The following SIPA1L1 variants were observed in gnomAD, a reference collection of about 807,000 sequenced individuals.
The protein encoded by SIPA1L1 is signal induced proliferation associated 1 like 1, also known as signal-induced proliferation-associated 1-like protein 1.
Under a neutral mutation model 162.7 loss-of-function variants are expected in SIPA1L1, and 26 were observed. The observed-to-expected ratio is 0.16, with a 90% CI of 0.12 to 0.22. SIPA1L1 has a LOEUF of 0.22. SIPA1L1 is among the 10% of genes least tolerant of loss of function. SIPA1L1 has a pLI of 1.00. For missense variants in SIPA1L1, 1,874 were observed against 2,241.0 expected (o/e 0.84, Z 3.31); for synonymous variants, 829 against 837.4 (o/e 0.99, Z 0.17).
intron 4 of SIPA1L1, among the ~76,000 whole-genome samples, chr14:71,563,169 C>A (rs1267854278): frequency 6.6e-6 from 1 of 152,116 alleles, no homozygotes; most frequent in Non-Finnish European, 1.5e-5. Flanking sequence ...GTTGATTTCT[C>A]TTTTTATATC....
chr14:71,582,087 C>T (rs1395963368), intron 4 of SIPA1L1, among the ~76,000 whole-genome samples: 3 of 152,168 alleles, frequency 2.0e-5, no homozygotes, highest in Non-Finnish European at 4.4e-5. Flanking sequence ...TGGCTTACTC[C>T]TGTAATCTCA....
chr14:71,730,391 G>T, intron 20 of SIPA1L1, 90 bp downstream of exon 20: 10 of 1,449,752 alleles, frequency 6.9e-6, no homozygotes, highest in East Asian at 2.3e-5. Context: ...CTCAGAGAGG[G>T]GTCCTGTATC....
intron 4 of SIPA1L1, among the ~76,000 whole-genome samples, chr14:71,551,267 T>C (rs2055802310): frequency 6.6e-6 from 1 of 152,218 alleles, no homozygotes; most frequent in Non-Finnish European, 1.5e-5. Context: ...GGTAATGAGC[T>C]CATCCTTGTT....
intron 16 of SIPA1L1, 114 bp downstream of exon 16, chr14:71,705,454 A>G: frequency 1.2e-6 from 1 of 823,332 alleles, no homozygotes; most frequent in Admixed American, 1.9e-5. Context: ...TCATTCTGGC[A>G]AAGAGTGGTC....
intron 3 of SIPA1L1, among the ~76,000 whole-genome samples, chr14:71,524,957 T>C (rs186866077): frequency 2.0e-5 from 3 of 152,262 alleles, no homozygotes; most frequent in African/African-American, 7.2e-5. Flanking sequence ...CTTCCTTTCC[T>C]TTTTTTCTTT....
intron 17 of SIPA1L1, among the ~76,000 whole-genome samples, chr14:71,710,920 C>A (rs2082833015): frequency 6.6e-6 from 1 of 151,954 alleles, no homozygotes; most frequent in South Asian, 2.1e-4. Context: ...CAGTAAACCC[C>A]AGATAACCTT....
intron 2 of SIPA1L1, among the ~76,000 whole-genome samples, chr14:71,504,983 C>T (rs1337227385): frequency 6.6e-6 from 1 of 152,148 alleles, no homozygotes; most frequent in East Asian, 1.9e-4. Context: ...CAATGAAAAG[C>T]CATGTTGTGC....
chr14:71,675,622 T>A (rs2045075062), intron 12 of SIPA1L1, among the ~76,000 whole-genome samples: 1 of 152,262 alleles, frequency 6.6e-6, no homozygotes, highest in Admixed American at 6.5e-5. Flanking sequence ...CCTCCGCACT[T>A]CACACTCCCA....
chr14:71,469,480 C>A (rs923162275), intron 2 of SIPA1L1, among the ~76,000 whole-genome samples: 10 of 152,018 alleles, frequency 6.6e-5, no homozygotes, highest in African/African-American at 2.4e-4. Context: ...TTAACCCATC[C>A]CCAAGTGCAA....
At chr14:71,401,631 A>G (rs146026921) in intron 2 of SIPA1L1, among the ~76,000 whole-genome samples, 231 of 152,236 alleles carry the variant, frequency 1.5e-3, no homozygotes, top group Non-Finnish European at 2.5e-3. Flanking sequence ...TCCTCAGTTA[A>G]TGTTCCCATT....
At chr14:71,534,009 G>C (rs1462954438) in intron 4 of SIPA1L1, among the ~76,000 whole-genome samples, 1 of 151,852 alleles carries the variant, frequency 6.6e-6, no homozygotes, top group African/African-American at 2.4e-5. Context: ...GGATTGCTTG[G>C]AGGCCAGGAG....
chr14:71,709,311 G>A lies in SIPA1L1; in HGVS notation c.3855G>A (p.Gly1285=), dbSNP rs1328271245. The A allele has an allele frequency of 1.2e-6, 2 of 1,614,074 alleles. No homozygotes were observed. The highest frequency in any genetic ancestry group is 1.7e-6 in the Non-Finnish European group (2 of 1,180,044). The part of the protein sequence containing the change: ...SAHSDEKWYD[G]DRTESELNSY... Reference sequence around the variant, plus strand: ...ATAGTGATGAGAAGTGGTACGATGGGGACCGCACAGAATCCGAACTCAACA... The same window carrying A: ...ATAGTGATGAGAAGTGGTACGATGGAGACCGCACAGAATCCGAACTCAACA... The change falls in exon 17 of 24, where the codon GGG becomes GGA. Residue 1285 remains glycine (G), a synonymous_variant. Transcript: ENST00000381232.
chr14:71,599,529 C>T (rs2036485424), intron 5 of SIPA1L1, among the ~76,000 whole-genome samples: 1 of 147,298 alleles, frequency 6.8e-6, no homozygotes, highest in Non-Finnish European at 1.5e-5. Context: ...TTTCATCATT[C>T]ATTCATTGAT....
chr14:71,472,848 TAA>T (rs35990139), intron 2 of SIPA1L1, among the ~76,000 whole-genome samples: 3 of 120,470 alleles, frequency 2.5e-5, no homozygotes, highest in Non-Finnish European at 3.3e-5. Flanking sequence ...TATGAAAACT[TAA>T]AAAAAAAAAA....
intron 8 of SIPA1L1, among the ~76,000 whole-genome samples, chr14:71,650,734 C>T (rs1374696455): frequency 6.6e-6 from 1 of 152,078 alleles, no homozygotes; most frequent in African/African-American, 2.4e-5. Flanking sequence ...GAGGTGTGTG[C>T]ATGGAGTGGG....
intron 2 of SIPA1L1, among the ~76,000 whole-genome samples, chr14:71,417,620 G>A (rs1566996325): frequency 1.3e-5 from 2 of 151,654 alleles, no homozygotes; most frequent in Non-Finnish European, 2.9e-5. Context: ...GGAAAGAAGA[G>A]ATTGGTCTTG....
chr14:71,385,591 AAT>A (rs2040250040), intron 2 of SIPA1L1, among the ~76,000 whole-genome samples: 1 of 152,038 alleles, frequency 6.6e-6, no homozygotes, highest in South Asian at 2.1e-4. Flanking sequence ...TAATTTTAAT[AAT>A]ATATTTTATT....
chr14:71,572,929 A>G (rs985963146), intron 4 of SIPA1L1, among the ~76,000 whole-genome samples: 17 of 152,340 alleles, frequency 1.1e-4, no homozygotes, highest in African/African-American at 4.1e-4. Context: ...AGGTACATAG[A>G]ATGGGGTAAG....
chr14:71,344,630 G>C (rs1294055375), intron 2 of SIPA1L1, among the ~76,000 whole-genome samples: 1 of 152,166 alleles, frequency 6.6e-6, no homozygotes, highest in East Asian at 1.9e-4. Flanking sequence ...TGTAATCTTG[G>C]CTCACTGCAA....
Sources: gnomAD v4.1 joint callset for allele counts (sites outside exome capture counted in the v4.1 genomes callset) on GRCh38, gnomAD v4.1.1 for gene constraint, MANE v1.5 for transcripts, NCBI Gene and HGNC (gene_info 2026-07-23, HGNC 2026-07-21) for gene names.